ADAM10: variants seen among roughly 807,000 people sequenced by gnomAD.
ADAM10 encodes the protein ADAM metallopeptidase domain 10.
ADAM10 carries 17 observed loss-of-function variants against 90.1 expected under a neutral mutation model. The observed-to-expected ratio is 0.19, with a 90% CI of 0.13 to 0.28. The LOEUF is 0.28. Ranked by LOEUF, ADAM10 falls within the 10% of genes least tolerant of loss-of-function variation. The pLI is 1.00. For synonymous variants in ADAM10, 310 were observed against 298.6 expected (o/e 1.04, Z -0.40); for missense variants, 610 against 914.3 (o/e 0.67, Z 4.29).
chr15:58,740,500 T>C (rs1307075130), intron 1 of ADAM10, among the ~76,000 whole-genome samples: 3 of 152,238 alleles, frequency 2.0e-5, no homozygotes, highest in African/African-American at 7.2e-5. Flanking sequence ...TTTTACTACT[T>C]ATACATATCT....
chr15:58,737,613 A>C (rs1240321021), intron 1 of ADAM10, among the ~76,000 whole-genome samples: 1 of 152,198 alleles, frequency 6.6e-6, no homozygotes, highest in Non-Finnish European at 1.5e-5. Context: ...AGACCAAGTT[A>C]ATATATGATA....
chr15:58,735,570 A>G (rs967714155), intron 1 of ADAM10, among the ~76,000 whole-genome samples: 3 of 152,204 alleles, frequency 2.0e-5, no homozygotes, highest in Admixed American at 1.3e-4. Context: ...CTTATAATAC[A>G]CAATACAATG....
chr15:58,604,267 AG>A (rs1895202346), intron 14 of ADAM10, among the ~76,000 whole-genome samples: 1 of 152,210 alleles, frequency 6.6e-6, no homozygotes, highest in Admixed American at 6.5e-5. Flanking sequence ...AGGCTGAGAC[AG>A]GAGAACCGCT....
rs117984942 is a variant in ADAM10, at chr15:58,745,673, G to A, written c.55+3807C>T. On this transcript the variant is annotated intron_variant, in intron 1 of 15. Transcript: ENST00000260408. ...ACAGTCAAACATTTTTTAAAAGTTG[G>A]AGCCATCTATACAAGATAAAGCTAA... Among the ~76,000 whole-genome samples the A allele has an allele frequency of 7.8e-4, 119 of 152,134 alleles. No individual in the cohort carries two copies. In the East Asian group the frequency reaches 0.021, roughly 27 times the overall value.
At position 58,660,994 on chromosome 15, in the gene ADAM10, C is replaced by T. The variant is rs550672428; in HGVS notation, c.585+4103G>A. 5.9e-5 allele frequency among the ~76,000 whole-genome samples: 9 copies of T among 152,370 alleles called. No homozygotes were observed. In the South Asian group the frequency reaches 1.9e-3, roughly 32 times the overall value. ...CCCACAGGCCGTAGTTTGCTGACCC[C>T]GGCTCTACGGTTTACAATATCCATC... On this transcript the variant is annotated intron_variant, in intron 5 of 15. Transcript: ENST00000260408.
intron 14 of ADAM10, among the ~76,000 whole-genome samples, chr15:58,601,946 G>A (rs1366143543): frequency 2.0e-5 from 3 of 152,170 alleles, no homozygotes; most frequent in Non-Finnish European, 2.9e-5. Flanking sequence ...CAAGTAACAC[G>A]TGATTTTTAT....
At chr15:58,714,026 G>T (rs902548909) in intron 2 of ADAM10, among the ~76,000 whole-genome samples, 1 of 151,814 alleles carries the variant, frequency 6.6e-6, no homozygotes, top group South Asian at 2.1e-4. Flanking sequence ...TGATGGCCTC[G>T]ATCTCTTGAC....
At chr15:58,610,942 A>G in intron 13 of ADAM10, 57 bp downstream of exon 13, 2 of 1,309,272 alleles carry the variant, frequency 1.5e-6, no homozygotes, top group Non-Finnish European at 2.2e-6. Flanking sequence ...CTTAAAATTT[A>G]GGAGAAAATA....
rs1894776588 is a variant in ADAM10, at chr15:58,589,249, G to A, written c.*8298C>T. ...GAGGGAAAGGGCAATCCAGGGAATA[G>A]GAAAAGCACATCCAGAGTCATGAAA... On this transcript the variant is annotated 3_prime_UTR_variant, in exon 16 of 16. Coordinates refer to ENST00000260408, the MANE Select transcript of ADAM10 (RefSeq NM_001110.4). The A allele has an allele frequency of 1.3e-5, 2 of 152,306 alleles. No homozygotes were observed. The highest frequency in any genetic ancestry group is 4.8e-5 in the African/African-American group (2 of 41,552). 9.4% of individuals were successfully genotyped at this position (152,306 alleles called of 1,614,324 possible).
chr15:58,695,674 C>CT (rs1380319393), intron 2 of ADAM10, among the ~76,000 whole-genome samples: 3 of 37,524 alleles, frequency 8.0e-5, no homozygotes, highest in Non-Finnish European at 1.8e-4. Context: ...CAGAGCAAGA[C>CT]TTGTCTAAAA....
chr15:58,645,506 C>T (rs1896522505), intron 6 of ADAM10, among the ~76,000 whole-genome samples: 1 of 152,140 alleles, frequency 6.6e-6, no homozygotes, highest in East Asian at 1.9e-4. Flanking sequence ...TTCATCCTCA[C>T]CACCAAAATG....
intron 5 of ADAM10, among the ~76,000 whole-genome samples, chr15:58,655,696 GTATATATATATATAGTATATATA>G (rs1326004910): frequency 0.063 from 4,310 of 68,216 alleles, 331 homozygotes; most frequent in East Asian, 0.17. Flanking sequence ...ATTATATATA[GTATATATATATATAGTATATATA>G]TATATATATA....
chr15:58,701,040 G>A (rs1898122691), intron 2 of ADAM10, among the ~76,000 whole-genome samples: 1 of 140,702 alleles, frequency 7.1e-6, no homozygotes, highest in Admixed American at 7.0e-5. Context: ...AAAAAACAGG[G>A]CAGAATTCAA....
At chr15:58,627,912 A>C (rs1327364547) in intron 9 of ADAM10, 29 bp from the exon 10 acceptor site, 1 of 1,608,010 alleles carries the variant, frequency 6.2e-7, no homozygotes, top group Non-Finnish European at 8.5e-7. Flanking sequence ...AGTTACATAA[A>C]CAGGAAGTAA....
chr15:58,685,463 C>CAATAAATA (rs553224874), intron 2 of ADAM10, among the ~76,000 whole-genome samples: 50 of 139,534 alleles, frequency 3.6e-4, no homozygotes, highest in African/African-American at 1.3e-3. Context: ...ACTCCATCTC[C>CAATAAATA]AATAAATAAA....
chr15:58,610,548 G>A lies in ADAM10; in HGVS notation c.1805-31C>T, dbSNP rs746158627. ...AAAGAAATGCCAAATATAAGCTGAA[G>A]GTCAGATTCAAATATAAGTTGAAGA... On this transcript the variant is annotated intron_variant, in intron 13 of 15. Coordinates refer to ENST00000260408, the MANE Select transcript of ADAM10 (RefSeq NM_001110.4). The A allele has an allele frequency of 9.4e-5, 150 of 1,592,602 alleles. 1 individual carries two copies. Among genetic ancestry groups the A allele is most frequent in the Non-Finnish European group, 1.2e-4 (143 of 1,161,380 alleles).
intron 2 of ADAM10, among the ~76,000 whole-genome samples, chr15:58,702,331 G>T (rs1898159864): frequency 6.6e-6 from 1 of 152,054 alleles, no homozygotes; most frequent in Non-Finnish European, 1.5e-5. Context: ...GATGAAGAGA[G>T]GTTGTTAATG....
intron 2 of ADAM10, among the ~76,000 whole-genome samples, chr15:58,683,859 CAA>C (rs71425819): frequency 8.9e-5 from 6 of 67,244 alleles, no homozygotes; most frequent in South Asian, 5.5e-4. Flanking sequence ...GGCTCCATCT[CAA>C]AAAAAAAAAA....
chr15:58,656,235 T>A (rs982432396), intron 5 of ADAM10, among the ~76,000 whole-genome samples: 1 of 152,208 alleles, frequency 6.6e-6, no homozygotes, highest in East Asian at 1.9e-4. Flanking sequence ...ATGCAATAGA[T>A]CATTGGATCT....
Sources: allele counts gnomAD v4.1 joint callset (sites outside exome capture counted in the v4.1 genomes callset), GRCh38; gene constraint gnomAD v4.1.1; transcripts MANE v1.5; gene names NCBI Gene and HGNC (gene_info 2026-07-23, HGNC 2026-07-21).